Variants in ABCA12 observed in about 807,000 individuals in gnomAD.
The protein encoded by ABCA12 is glucosylceramide transporter ABCA12.
A neutral mutation model predicts 293.5 loss-of-function variants in ABCA12; 156 were observed. That is an observed-to-expected ratio of 0.53 (90% CI 0.47 to 0.61). The LOEUF is 0.61. ABCA12 is among the 20% of genes least tolerant of loss of function. The probability of loss-of-function intolerance (pLI) is 0.00; values close to 1 mark genes in which losing one functional copy is unlikely to be tolerated. For synonymous variants in ABCA12, 1,063 were observed against 1,108.0 expected (o/e 0.96, Z 0.81); for missense variants, 2,797 against 3,090.2 (o/e 0.91, Z 2.25).
intron 38 of ABCA12, 75 bp from the exon 39 acceptor site, chr2:214,967,028 T>C: frequency 9.1e-7 from 1 of 1,103,758 alleles, no homozygotes; most frequent in South Asian, 1.3e-5. Flanking sequence ...CTGACAGCTA[T>C]CTTATTTATA....
intron 49 of ABCA12, among the ~76,000 whole-genome samples, chr2:214,943,994 C>T (rs1309738052): frequency 2.0e-5 from 3 of 152,110 alleles, no homozygotes; most frequent in African/African-American, 7.2e-5. Context: ...ATAAGAGAGG[C>T]ATGGATAAAA....
At chr2:215,022,993 A>G (rs1700662367) in intron 11 of ABCA12, 2 of 152,232 alleles carry the variant, frequency 1.3e-5, no homozygotes, top group Non-Finnish European at 2.9e-5. Flanking sequence ...GAGAAAACAC[A>G]AAAGTTCAAG....
At chr2:215,011,678 A>G (rs770853336) in intron 16 of ABCA12, 29 bp from the exon 17 acceptor site, 10 of 1,600,724 alleles carry the variant, frequency 6.2e-6, no homozygotes, top group Non-Finnish European at 8.6e-6. Context: ...CAATTTATTG[A>G]CACTATATGA....
chr2:215,006,424 A>T (rs963352539), intron 19 of ABCA12, among the ~76,000 whole-genome samples: 1 of 152,190 alleles, frequency 6.6e-6, no homozygotes, highest in Non-Finnish European at 1.5e-5. Flanking sequence ...AAGACATTTG[A>T]TGAAAAGTTT....
chr2:215,018,176 C>G (rs1382958327), intron 13 of ABCA12, 44 bp from the exon 14 acceptor site: 1 of 1,592,390 alleles, frequency 6.3e-7, no homozygotes, highest in Non-Finnish European at 8.5e-7. Flanking sequence ...GTTGGTTTGT[C>G]AGGTCACTCT....
At chr2:215,094,854 T>C (rs754242880) in intron 2 of ABCA12, among the ~76,000 whole-genome samples, 2 of 152,120 alleles carry the variant, frequency 1.3e-5, no homozygotes, top group Non-Finnish European at 2.9e-5. Flanking sequence ...AGAGTCTGAG[T>C]GCAAGACATC....
At chr2:214,987,500 G>A (rs1178629235) in intron 27 of ABCA12, 147 bp downstream of exon 27, 13 of 1,076,706 alleles carry the variant, frequency 1.2e-5, no homozygotes, top group Non-Finnish European at 1.7e-5. Context: ...CCCCATAAGA[G>A]TCCAAAGACG....
chr2:215,052,845 C>T (rs182286241), intron 4 of ABCA12, among the ~76,000 whole-genome samples: 6 of 152,140 alleles, frequency 3.9e-5, no homozygotes, highest in East Asian at 3.9e-4. Context: ...TCATTCCAGT[C>T]GGTGACATTA....
At chr2:215,002,655 T>G (rs961171720) in intron 20 of ABCA12, among the ~76,000 whole-genome samples, 5 of 152,164 alleles carry the variant, frequency 3.3e-5, no homozygotes, top group African/African-American at 1.2e-4. Context: ...ATGTTTTACT[T>G]GATGTAGATG....
chr2:214,974,001 C>T lies in ABCA12; in HGVS notation c.5510G>A (p.Ser1837Asn), dbSNP rs1699450353. 2 of 1,614,028 alleles carry T rather than the reference C, an allele frequency of 1.2e-6. No homozygotes were observed. Among genetic ancestry groups the T allele is most frequent in the Middle Eastern group, 1.7e-4 (1 of 6,060 alleles). Reference protein sequence around the residue: ...NKDSLEKWNTSGEPITNFGVC... With the variant: ...NKDSLEKWNTNGEPITNFGVC... ...ACCAAAATTAGTGATGGGTTCTCCA[C>T]TGGTGTTCCATTTTTCCAGACTGTC... Residue 1837 changes from serine (S) to asparagine (N), a missense_variant, in exon 36 of 53, where the codon AGT (serine) becomes AAT (asparagine). This residue lies in a region of ABCA12 where 2,130 missense variants were observed against 2,427.0 expected (regional missense o/e 0.88). Transcript: ENST00000272895.
intron 2 of ABCA12, among the ~76,000 whole-genome samples, chr2:215,086,076 G>A (rs902825344): frequency 6.6e-6 from 1 of 152,198 alleles, no homozygotes; most frequent in East Asian, 1.9e-4. Flanking sequence ...ATTCTGGCTA[G>A]CATCCATTGC....
chr2:215,054,582 C>A lies in ABCA12; in HGVS notation c.400G>T (p.Ala134Ser), dbSNP rs2106060931. The change falls in exon 4 of 53, where the codon GCA becomes TCA. Residue 134 changes from alanine to serine, a missense_variant. Physicochemically the swap from Ala to Ser is moderately conservative, Grantham distance 99 (BLOSUM62 1). Coordinates refer to ENST00000272895, the MANE Select transcript of ABCA12 (RefSeq NM_173076.3). ...GAAGAAAATAGCTTACCTAGTGATG[C>A]ATGCCTTCTTTCTGGAACTTGGGTG... ...QSTQVPERRHASLATVFPSPS... is the reference protein window; with the variant it reads ...QSTQVPERRHSSLATVFPSPS... The A allele has an allele frequency of 1.9e-6, 3 of 1,611,176 alleles. No homozygotes were observed. The highest frequency in any genetic ancestry group is 2.5e-6 in the Non-Finnish European group (3 of 1,177,832).
intron 48 of ABCA12, among the ~76,000 whole-genome samples, chr2:214,947,111 C>T (rs1327225051): frequency 6.6e-6 from 1 of 152,110 alleles, no homozygotes; most frequent in African/African-American, 2.4e-5. Flanking sequence ...TACCATATTC[C>T]GTAACTTACT....
At chr2:214,952,014 C>T (rs1698789369) in intron 44 of ABCA12, among the ~76,000 whole-genome samples, 1 of 151,520 alleles carries the variant, frequency 6.6e-6, no homozygotes, top group Non-Finnish European at 1.5e-5. Flanking sequence ...CCTCCAAACT[C>T]ATTAAGTCCC....
At chr2:215,021,243 T>C (rs1700625014) in intron 11 of ABCA12, among the ~76,000 whole-genome samples, 1 of 152,228 alleles carries the variant, frequency 6.6e-6, no homozygotes, top group African/African-American at 2.4e-5. Context: ...ATTTAAACTA[T>C]GGACGAGAAG....
intron 38 of ABCA12, among the ~76,000 whole-genome samples, chr2:214,968,236 T>C (rs2105949320): frequency 6.6e-6 from 1 of 152,134 alleles, no homozygotes; most frequent in East Asian, 1.9e-4. Flanking sequence ...TCCTTCCAAA[T>C]CACAATACCC....
chr2:215,075,954 C>T lies in ABCA12; in HGVS notation c.164-11735G>A, dbSNP rs550802168. Among the ~76,000 whole-genome samples, 5 of 152,256 alleles carry T rather than the reference C, an allele frequency of 3.3e-5. No homozygotes were observed. In the East Asian group the frequency reaches 5.8e-4, roughly 18 times the overall value. On this transcript the variant is annotated intron_variant, in intron 2 of 52. Coordinates refer to ENST00000272895, the MANE Select transcript of ABCA12 (RefSeq NM_173076.3). ...AGATGGTCTATTCACTCGGGATGCT[C>T]GAAGTCTGGTTCCAGATCCTATCAC...
At chr2:215,127,842 C>T (rs561623889) in intron 1 of ABCA12, among the ~76,000 whole-genome samples, 1 of 152,152 alleles carries the variant, frequency 6.6e-6, no homozygotes, top group Non-Finnish European at 1.5e-5. Context: ...TTTTAATTTC[C>T]TGTGTACTTT....
At chr2:214,989,531 T>G in intron 25 of ABCA12, 21 bp downstream of exon 25, 1 of 1,613,940 alleles carries the variant, frequency 6.2e-7, no homozygotes, top group Non-Finnish European at 8.5e-7. Flanking sequence ...TAAAATCCAG[T>G]TTTAAAGAAA....
Sources: gnomAD v4.1 joint callset for allele counts (sites outside exome capture counted in the v4.1 genomes callset) on GRCh38, gnomAD v4.1.1 for gene constraint, gnomAD v4.1.1 regional missense constraint, MANE v1.5 for transcripts, NCBI Gene and HGNC (gene_info 2026-07-23, HGNC 2026-07-21) for gene names.